KPNA6: variants seen among roughly 807,000 people sequenced by gnomAD.
KPNA6 encodes the protein importin subunit alpha-7.
In KPNA6, 9 loss-of-function variants were observed where a neutral mutation model predicts 72.0. The ratio of observed to expected loss-of-function variants is 0.13; its 90% CI spans 0.08 to 0.22. The LOEUF is 0.22. KPNA6 is among the 10% of genes least tolerant of loss of function. The pLI, the probability that KPNA6 is intolerant of heterozygous loss-of-function variation, is 1.00. For missense variants in KPNA6, 374 were observed against 655.7 expected (o/e 0.57, Z 4.69); for synonymous variants, 219 against 242.1 (o/e 0.90, Z 0.89).
chr1:32,173,208 C>G lies in KPNA6; in HGVS notation c.*2314C>G. The G allele has an allele frequency of 2.5e-6, 1 of 392,828 alleles. No homozygotes were observed. The highest frequency in any genetic ancestry group is 4.5e-6 in the Non-Finnish European group (1 of 223,280). The allele number at this position is 392,828 out of a possible 1,614,324, so 24.3% of individuals were successfully genotyped here. A position where few individuals can be genotyped will look rare whatever the true frequency, so the allele number is the denominator to read the frequency against. On this transcript the variant is annotated 3_prime_UTR_variant, in exon 14 of 14. Coordinates refer to ENST00000373625, the MANE Select transcript of KPNA6 (RefSeq NM_012316.5). ...AAAAAAAAAAAAGCCTTCCCCTACC[C>G]AACCTCCGCCCATTGTTCTCTTCCA...
At chr1:32,167,091 C>G in intron 11 of KPNA6, 78 bp from the exon 12 acceptor site, 1 of 1,537,716 alleles carries the variant, frequency 6.5e-7, no homozygotes, top group Non-Finnish European at 8.9e-7. Context: ...TAAGTCTCAG[C>G]TGATTTGGGG....
rs1165759927 is a variant in KPNA6 at position 32,172,479 on chromosome 1, G to GAAACTTAGT, written c.*1587_*1595dup. On this transcript the variant is annotated 3_prime_UTR_variant, in exon 14 of 14. Transcript: ENST00000373625. ...GCCTCTCCTATTATCTATTATCACT[G>GAAACTTAGT]AAACTTAGTAGCCTGCTTTTTTTTT... The GAAACTTAGT allele has an allele frequency of 1.3e-5, 2 of 148,958 alleles. No individual in the cohort carries two copies. The highest frequency in any genetic ancestry group is 5.0e-5 in the African/African-American group (2 of 40,088). The allele number at this position is 148,958 out of a possible 1,614,324, so 9.2% of individuals were successfully genotyped here.
Position 32,176,049 on chromosome 1 carries a change from T to C in KPNA6, c.*5155T>C, listed in dbSNP as rs1557492749. ...TGAACCTAGGAGGCAGAGGTTGCAG[T>C]GAGCCAAGATTGTGCCAGCCTGGGC... On this transcript the variant is annotated 3_prime_UTR_variant, in exon 14 of 14. Transcript: ENST00000373625. The C allele has an allele frequency of 6.6e-6, 1 of 152,130 alleles. No individual in the cohort carries two copies. The highest frequency in any genetic ancestry group is 1.5e-5 in the Non-Finnish European group (1 of 68,046). 9.4% of individuals were successfully genotyped at this position (152,130 alleles called of 1,614,324 possible).
At chr1:32,167,123 G>A (rs1642354168) in intron 11 of KPNA6, 46 bp from the exon 12 acceptor site, 1 of 1,602,834 alleles carries the variant, frequency 6.2e-7, no homozygotes, top group South Asian at 1.1e-5. Flanking sequence ...TTATCATGCT[G>A]AAATGACTTT....
intron 2 of KPNA6, among the ~76,000 whole-genome samples, chr1:32,155,796 G>A (rs1207643639): frequency 6.6e-6 from 1 of 151,604 alleles, no homozygotes; most frequent in Non-Finnish European, 1.5e-5. Flanking sequence ...AGTGCAGTGA[G>A]TGACATGATC....
intron 1 of KPNA6, among the ~76,000 whole-genome samples, chr1:32,109,647 C>CT (rs34762782): frequency 0.12 from 17,124 of 139,226 alleles, 1,079 homozygotes; most frequent in Middle Eastern, 0.18. Context: ...ATTATGAAAT[C>CT]TTTTTTTTTT....
intron 11 of KPNA6, 81 bp from the exon 12 acceptor site, chr1:32,167,088 C>T (rs2124092829): frequency 6.5e-7 from 1 of 1,530,040 alleles, no homozygotes; most frequent in East Asian, 2.3e-5. Flanking sequence ...GTCTAAGTCT[C>T]AGCTGATTTG....
rs759292235 is a variant in KPNA6, at chr1:32,157,358, A to T, written c.244A>T (p.Thr82Ser). ...VSSTTGESVI[T>S]REMVEMLFSD... Reference sequence around the variant, plus strand: ...TTTTATGTTCTAGGAGAGTGTGATCACAAGAGAGATGGTGGAGATGCTCTT... The same window carrying T: ...TTTTATGTTCTAGGAGAGTGTGATCTCAAGAGAGATGGTGGAGATGCTCTT... Residue 82 changes from threonine (T) to serine (S), a missense_variant, in exon 4 of 14, where the codon ACA (threonine) becomes TCA (serine). By Grantham distance (58) the Thr-to-Ser change is moderately conservative (BLOSUM62 1). Around this residue, in one of 3 missense-constraint regions of KPNA6, gnomAD observed 298 missense variants for 495.4 expected, o/e 0.60. Coordinates refer to ENST00000373625, the MANE Select transcript of KPNA6 (RefSeq NM_012316.5). The T allele has an allele frequency of 6.2e-7, 1 of 1,613,780 alleles. No individual in the cohort carries two copies. Among genetic ancestry groups the T allele is most frequent in the Admixed American group, 1.7e-5 (1 of 60,012 alleles).
At chr1:32,114,311 C>T (rs985817144) in intron 1 of KPNA6, among the ~76,000 whole-genome samples, 8 of 151,820 alleles carry the variant, frequency 5.3e-5, no homozygotes, top group African/African-American at 1.9e-4. Flanking sequence ...TGTGGTGGTG[C>T]ACACCTATAA....
intron 10 of KPNA6, 45 bp downstream of exon 10, chr1:32,163,358 G>A: frequency 1.4e-6 from 2 of 1,421,154 alleles, no homozygotes; most frequent in Non-Finnish European, 2.0e-6. Context: ...CTATGGAAGA[G>A]CTTGTGGAGA....
At chr1:32,155,873 G>A (rs1642131846) in intron 2 of KPNA6, among the ~76,000 whole-genome samples, 1 of 150,306 alleles carries the variant, frequency 6.7e-6, no homozygotes, top group South Asian at 2.1e-4. Flanking sequence ...CTGCATAGCT[G>A]GACTATAGGC....
chr1:32,110,648 A>G (rs946176563), intron 1 of KPNA6, among the ~76,000 whole-genome samples: 8 of 152,288 alleles, frequency 5.3e-5, no homozygotes, highest in African/African-American at 1.9e-4. Flanking sequence ...GCTCAGGCCT[A>G]TAATCCCATA....
rs111635966 is a variant in KPNA6, at chr1:32,161,718, C to T, written c.648-229C>T. Among the ~76,000 whole-genome samples, 42 of 152,326 alleles carry T rather than the reference C, an allele frequency of 2.8e-4. 1 individual carries two copies. The highest frequency in any genetic ancestry group is 9.9e-4 in the African/African-American group (41 of 41,572). ...TTACTCCAGATCTAGCCCTCTGTTT[C>T]GTCCCTATTATCTATGGTATTAACT... On this transcript the variant is annotated intron_variant, in intron 7 of 13. Transcript: ENST00000373625.
At chr1:32,163,913 T>C (rs974739767) in intron 10 of KPNA6, among the ~76,000 whole-genome samples, 1 of 152,268 alleles carries the variant, frequency 6.6e-6, no homozygotes, top group African/African-American at 2.4e-5. Context: ...TGTATATGCA[T>C]GTACTTTAAA....
chr1:32,160,563 C>T lies in KPNA6; in HGVS notation c.559-52C>T, dbSNP rs765540020. On this transcript the variant is annotated intron_variant, in intron 6 of 13. Transcript: ENST00000373625. ...ACTTTGCAGTTGTGGCTATAAAGTA[C>T]TCACAGGAGTACCAAGCTTTGTGGG... The T allele has an allele frequency of 6.3e-6, 9 of 1,429,598 alleles. No individual in the cohort carries two copies. In the Admixed American group the frequency reaches 1.5e-4, roughly 24 times the overall value. 88.6% of individuals were successfully genotyped at this position (1,429,598 alleles called of 1,614,324 possible).
chr1:32,146,252 TA>T (rs1641928175), intron 1 of KPNA6, among the ~76,000 whole-genome samples: 2 of 152,238 alleles, frequency 1.3e-5, no homozygotes, highest in Non-Finnish European at 2.9e-5. Context: ...AGTCTCCAAA[TA>T]TTTTTTCTGC....
chr1:32,124,939 G>C (rs1285978267), intron 1 of KPNA6, among the ~76,000 whole-genome samples: 1 of 152,102 alleles, frequency 6.6e-6, no homozygotes, highest in East Asian at 1.9e-4. Flanking sequence ...CCACCTCCCA[G>C]GTTCAAACAA....
intron 1 of KPNA6, among the ~76,000 whole-genome samples, chr1:32,133,519 A>AG: frequency 6.8e-6 from 1 of 146,882 alleles, no homozygotes; most frequent in East Asian, 2.0e-4. Context: ...GTCTCTACAA[A>AG]AAAAAAAAAA....
At position 32,170,045 on chromosome 1, in the gene KPNA6, A is replaced by T; in HGVS notation, c.1408A>T (p.Ile470Leu). Residue 470 changes from isoleucine to leucine, a missense_variant, in exon 13 of 14, where the codon ATA becomes TTA. Coordinates refer to ENST00000373625, the MANE Select transcript of KPNA6 (RefSeq NM_012316.5). ...AGGGGTCAATCCTTATTGTGGCCTC[A>T]TAGAGGAAGCCTATGGTATGTGCCC... ...GSGVNPYCGL[I>L]EEAYGLDKIE... 3 of 1,614,060 alleles carry T rather than the reference A, an allele frequency of 1.9e-6. No individual in the cohort carries two copies. Among genetic ancestry groups the T allele is most frequent in the Non-Finnish European group, 2.5e-6 (3 of 1,179,946 alleles).
Sources: gnomAD v4.1 joint callset for allele counts (sites outside exome capture counted in the v4.1 genomes callset) on GRCh38, gnomAD v4.1.1 for gene constraint, gnomAD v4.1.1 regional missense constraint, MANE v1.5 for transcripts, NCBI Gene and HGNC (gene_info 2026-07-23, HGNC 2026-07-21) for gene names.